Variants in ZMAT1 observed in about 807,000 individuals in gnomAD.
ZMAT1 encodes the protein zinc finger matrin-type 1.
A neutral mutation model predicts 18.5 loss-of-function variants in ZMAT1; 11 were observed. The observed-to-expected ratio is 0.59, with a 90% CI of 0.37 to 0.98. ZMAT1 has a LOEUF of 0.98. ZMAT1 is among the 50% of genes least tolerant of loss of function. The probability of loss-of-function intolerance (pLI) is 0.01; values close to 1 mark genes in which losing one functional copy is unlikely to be tolerated. For missense variants in ZMAT1, 525 were observed against 496.2 expected (o/e 1.06, Z -0.55); for synonymous variants, 211 against 176.4 (o/e 1.20, Z -1.55).
intron 1 of ZMAT1, 64 bp from the exon 2 acceptor site, chrX:101,904,394 A>G (rs1322825659): frequency 1.2e-6 from 1 of 826,123 alleles, no homozygotes; most frequent in African/African-American, 2.1e-5. Context: ...ATCATTTTTC[A>G]TTCCTCAACT....
chrX:101,931,590 G>T, intron 1 of ZMAT1, 127 bp downstream of exon 1: 1 of 646,569 alleles, frequency 1.5e-6, no homozygotes. Context: ...GGCGAGCTTG[G>T]CCTTTACTGC....
At chrX:101,907,314 G>C (rs751976483) in intron 1 of ZMAT1, among the ~76,000 whole-genome samples, 2 of 111,533 alleles carry the variant, frequency 1.8e-5, no homozygotes. Context: ...CCAATCAACA[G>C]GTCCATCCCA....
At position 101,885,787 on chromosome X, in the gene ZMAT1, G is replaced by A. The variant is rs911321031; in HGVS notation, c.776+845C>T. On this transcript the variant is annotated intron_variant, in intron 5 of 5. Transcript: ENST00000651725. ...CAGCCTCAACACCCTGGACTCAAGT[G>A]ATCCTCCTACCTTAGCTACCCAAGT... Among the ~76,000 whole-genome samples the A allele has an allele frequency of 1.4e-4, 16 of 110,573 alleles. No homozygotes were observed. The South Asian group carries it at 2.4e-3, about 16-fold the overall frequency.
intron 1 of ZMAT1, among the ~76,000 whole-genome samples, chrX:101,917,595 T>C (rs1425313067): frequency 8.9e-6 from 1 of 112,535 alleles, no homozygotes; most frequent in Non-Finnish European, 1.9e-5. Flanking sequence ...GGTGGGAATG[T>C]AAATTAGTAC....
chrX:101,898,090 G>A, intron 3 of ZMAT1, 29 bp downstream of exon 3: 1 of 1,206,162 alleles, frequency 8.3e-7, no homozygotes, highest in Non-Finnish European at 1.1e-6. Flanking sequence ...CTCAAAGTTT[G>A]GATTACAATA....
chrX:101,891,044 G>T (rs954795799), intron 4 of ZMAT1, among the ~76,000 whole-genome samples: 4 of 111,301 alleles, frequency 3.6e-5, no homozygotes, highest in Non-Finnish European at 7.6e-5. Flanking sequence ...TTGGTCAATT[G>T]TGTGTTTTAG....
chrX:101,914,391 AC>A (rs1356785242), intron 1 of ZMAT1, among the ~76,000 whole-genome samples: 6 of 111,638 alleles, frequency 5.4e-5, no homozygotes, highest in Admixed American at 2.9e-4. Flanking sequence ...AATACAAAAG[AC>A]CAATGAAACA....
At chrX:101,898,307 T>G in intron 2 of ZMAT1, 87 bp from the exon 3 acceptor site, 1 of 779,845 alleles carries the variant, frequency 1.3e-6, no homozygotes, top group South Asian at 2.6e-5. Flanking sequence ...ATGGCATTCA[T>G]GTGTGTTAAT....
rs768283759 is a variant in ZMAT1, at chrX:101,883,920, G to T, written c.1678C>A (p.Gln560Lys). 4 of 1,210,403 alleles carry T rather than the reference G, an allele frequency of 3.3e-6. No homozygotes were observed. Among genetic ancestry groups the T allele is most frequent in the Non-Finnish European group, 4.5e-6 (4 of 895,016 alleles). ...TATGAGCCAGAGTTATTTTCTTGCT[G>T]ATTAAGGCTCAAGGGTACTGGTTTT... ...PEKPVPLSLN[Q>K]QENNSGSYSV... Residue 560 changes from glutamine (Q) to lysine (K), a missense_variant, in exon 6 of 6, where the codon CAG (glutamine) becomes AAG (lysine). Gln to Lys is a moderately conservative substitution (Grantham distance 53). Transcript: ENST00000651725.
At chrX:101,911,911 C>T in intron 1 of ZMAT1, 1 of 1,207,440 alleles carries the variant, frequency 8.3e-7, no homozygotes, top group South Asian at 1.8e-5. Context: ...GGGAAAAGTC[C>T]CATGGGTGTC....
At chrX:101,902,499 T>C (rs763159311) in intron 2 of ZMAT1, among the ~76,000 whole-genome samples, 1 of 111,974 alleles carries the variant, frequency 8.9e-6, no homozygotes, top group South Asian at 3.7e-4. Context: ...GTTGTAGATA[T>C]AGGAAACCAG....
chrX:101,893,737 A>C (rs1053778193), intron 4 of ZMAT1, among the ~76,000 whole-genome samples: 1 of 111,613 alleles, frequency 9.0e-6, no homozygotes, highest in Non-Finnish European at 1.9e-5. Context: ...AGGTTAAGGA[A>C]GCACATAAGA....
At chrX:101,886,969 A>C in intron 4 of ZMAT1, 2 of 253,681 alleles carry the variant, frequency 7.9e-6, no homozygotes, top group Non-Finnish European at 1.4e-5. Flanking sequence ...ACCACACCAC[A>C]CTGCTTCTCT....
At chrX:101,890,221 C>T (rs1457642948) in intron 4 of ZMAT1, 10 of 111,965 alleles carry the variant, frequency 8.9e-5, no homozygotes, top group African/African-American at 3.2e-4. Flanking sequence ...ATTATGCCCT[C>T]ATTACCATAT....
At chrX:101,903,205 C>A (rs1370908559) in intron 2 of ZMAT1, among the ~76,000 whole-genome samples, 1 of 111,389 alleles carries the variant, frequency 9.0e-6, no homozygotes, top group East Asian at 2.8e-4. Context: ...ATGTGCTAGG[C>A]ACTCTCACAC....
In ZMAT1 at chrX:101,887,149, C is replaced by T. The variant is rs1204469697; in HGVS notation, c.677-418G>A. On this transcript the variant is annotated intron_variant, in intron 4 of 5. Transcript: ENST00000651725. ...GTTTCCACCCAACCAAAACCTGAAA[C>T]GTCCCAAAACATTAAAAACAAATAA... The T allele has an allele frequency of 1.7e-5, 10 of 602,899 alleles. No homozygotes were observed. The Admixed American group carries it at 2.6e-4, about 16-fold the overall frequency. 49.7% of individuals were successfully genotyped at this position (602,899 alleles called of 1,213,427 possible). A position where few individuals can be genotyped will look rare whatever the true frequency, so the allele number is the denominator to read the frequency against.
chrX:101,927,796 G>C lies in ZMAT1; in HGVS notation c.292+3921C>G, dbSNP rs760057226. On this transcript the variant is annotated intron_variant, in intron 1 of 5. Transcript: ENST00000651725. Reference sequence around the variant, plus strand: ...TTAGTAAATGTGAATGAATCTGCAAGGCTGGTTTCAGATGAGAAAGAATCA... The same window carrying C: ...TTAGTAAATGTGAATGAATCTGCAACGCTGGTTTCAGATGAGAAAGAATCA... Among the ~76,000 whole-genome samples, 3 of 112,051 alleles carry C rather than the reference G, an allele frequency of 2.7e-5. No homozygotes were observed. The South Asian group carries it at 1.1e-3, about 41-fold the overall frequency.
intron 4 of ZMAT1, among the ~76,000 whole-genome samples, chrX:101,896,459 T>A (rs1253144759): frequency 8.9e-6 from 1 of 112,263 alleles, no homozygotes; most frequent in Non-Finnish European, 1.9e-5. Context: ...ATTCTGTCTA[T>A]CTTTTGAATG....
At chrX:101,917,686 T>C (rs1379532633) in intron 1 of ZMAT1, among the ~76,000 whole-genome samples, 2 of 112,504 alleles carry the variant, frequency 1.8e-5, no homozygotes, top group Non-Finnish European at 3.8e-5. Context: ...CACCGCTGGG[T>C]ATTTACCCCA....
Sources: allele counts gnomAD v4.1 joint callset (sites outside exome capture counted in the v4.1 genomes callset), GRCh38; gene constraint gnomAD v4.1.1; transcripts MANE v1.5; gene names NCBI Gene and HGNC (gene_info 2026-07-23, HGNC 2026-07-21).